Variants in NPAS3 observed in about 807,000 individuals in gnomAD.
NPAS3 encodes neuronal PAS domain protein 3.
Under a neutral mutation model 73.1 loss-of-function variants are expected in NPAS3, and 14 were observed. The observed-to-expected ratio is 0.19, with a 90% CI of 0.13 to 0.30. The LOEUF (loss-of-function observed/expected upper bound fraction) is 0.30. NPAS3 is among the 10% of genes least tolerant of loss of function. The pLI, the probability that NPAS3 is intolerant of heterozygous loss-of-function variation, is 1.00. For missense variants in NPAS3, 1,096 were observed against 1,250.0 expected, an observed-to-expected ratio of 0.88 and a Z score of 1.86; for synonymous variants, 620 against 541.5, an observed-to-expected ratio of 1.14 and a Z score of -2.01.
intron 4 of NPAS3, among the ~76,000 whole-genome samples, chr14:33,554,942 G>A (rs1359528123): frequency 2.0e-5 from 3 of 152,106 alleles, no homozygotes; most frequent in Non-Finnish European, 4.4e-5. Flanking sequence ...TCAGCTTTTG[G>A]GGTTAAGAAA....
chr14:33,673,881 A>G (rs1052733771), intron 5 of NPAS3, among the ~76,000 whole-genome samples: 2 of 152,264 alleles, frequency 1.3e-5, no homozygotes, highest in African/African-American at 4.8e-5. Flanking sequence ...TCAGGTTATG[A>G]GTCCAAGTAG....
At chr14:33,334,545 T>C (rs903623084) in intron 3 of NPAS3, among the ~76,000 whole-genome samples, 2 of 152,196 alleles carry the variant, frequency 1.3e-5, no homozygotes, top group African/African-American at 4.8e-5. Context: ...TCAAGTTATT[T>C]TATATGTCTG....
intron 6 of NPAS3, among the ~76,000 whole-genome samples, chr14:33,689,094 A>G (rs2060166202): frequency 1.3e-5 from 2 of 152,326 alleles, no homozygotes; most frequent in Non-Finnish European, 2.9e-5. Context: ...AGGTACAAAT[A>G]CGTAGTACGT....
intron 5 of NPAS3, among the ~76,000 whole-genome samples, chr14:33,645,875 G>A (rs538003332): frequency 2.6e-5 from 4 of 152,348 alleles, no homozygotes; most frequent in East Asian, 1.9e-4. Flanking sequence ...GAGTGCATGC[G>A]TCTCACATGT....
chr14:33,020,069 G>T (rs1210489859), intron 1 of NPAS3, among the ~76,000 whole-genome samples: 2 of 152,056 alleles, frequency 1.3e-5, no homozygotes, highest in African/African-American at 4.8e-5. Context: ...GAAATGTCTT[G>T]TCAGTATTAT....
chr14:33,392,600 T>C (rs1604190), intron 4 of NPAS3, among the ~76,000 whole-genome samples: 92,626 of 152,016 alleles, frequency 0.61, 28,889 homozygotes, highest in African/African-American at 0.74. Context: ...TTTTTTGAAA[T>C]TAGTGCATCA....
chr14:33,073,734 G>A (rs1015160304), intron 2 of NPAS3, among the ~76,000 whole-genome samples: 5 of 152,156 alleles, frequency 3.3e-5, no homozygotes, highest in African/African-American at 9.7e-5. Context: ...ATTTGATTTC[G>A]ACATTTTATT....
chr14:33,152,652 G>A (rs1419492512), intron 2 of NPAS3, among the ~76,000 whole-genome samples: 1 of 152,042 alleles, frequency 6.6e-6, no homozygotes, highest in Admixed American at 6.6e-5. Context: ...ATTTTACCTC[G>A]GAATTTGAGG....
chr14:33,667,795 G>GTTCC (rs1208641966), intron 5 of NPAS3, among the ~76,000 whole-genome samples: 3 of 152,114 alleles, frequency 2.0e-5, no homozygotes, highest in Non-Finnish European at 4.4e-5. Context: ...GAAGAATTTT[G>GTTCC]TTCCTTCTTG....
At chr14:33,033,324 C>T (rs953648752) in intron 1 of NPAS3, among the ~76,000 whole-genome samples, 1 of 151,754 alleles carries the variant, frequency 6.6e-6, no homozygotes, top group Non-Finnish European at 1.5e-5. Context: ...ACTAAAAATA[C>T]AAAAATTAGC....
intron 4 of NPAS3, among the ~76,000 whole-genome samples, chr14:33,480,106 C>G (rs1045210500): frequency 6.6e-6 from 1 of 152,050 alleles, no homozygotes; most frequent in Non-Finnish European, 1.5e-5. Context: ...AGTATATGTA[C>G]TAGAAGGGAG....
intron 6 of NPAS3, among the ~76,000 whole-genome samples, chr14:33,723,949 A>G (rs948426843): frequency 6.6e-6 from 1 of 152,060 alleles, no homozygotes; most frequent in Non-Finnish European, 1.5e-5. Context: ...ACTTAAAAAT[A>G]TATATATCCA....
At chr14:33,698,048 G>A (rs1854329216) in intron 6 of NPAS3, among the ~76,000 whole-genome samples, 3 of 152,160 alleles carry the variant, frequency 2.0e-5, no homozygotes, top group Non-Finnish European at 4.4e-5. Context: ...TCATGCATCC[G>A]ATGGTCTGCA....
chr14:33,113,605 A>T (rs1156827111), intron 2 of NPAS3, among the ~76,000 whole-genome samples: 1 of 152,156 alleles, frequency 6.6e-6, no homozygotes, highest in African/African-American at 2.4e-5. Flanking sequence ...CAATCATGTC[A>T]TCTGCAAACA....
At chr14:33,376,013 C>G (rs1291293510) in intron 4 of NPAS3, among the ~76,000 whole-genome samples, 1 of 152,110 alleles carries the variant, frequency 6.6e-6, no homozygotes, top group Admixed American at 6.6e-5. Context: ...ATTGGTTTCA[C>G]TGGAGAATCT....
intron 4 of NPAS3, among the ~76,000 whole-genome samples, chr14:33,396,004 C>T (rs930239390): frequency 3.9e-5 from 6 of 152,098 alleles, no homozygotes; most frequent in Non-Finnish European, 7.4e-5. Context: ...GTGGCTTTGC[C>T]CCCATTCCCT....
intron 6 of NPAS3, among the ~76,000 whole-genome samples, chr14:33,682,037 G>A (rs985674332): frequency 4.6e-5 from 7 of 152,168 alleles, no homozygotes; most frequent in African/African-American, 1.4e-4. Context: ...AATCTGAATG[G>A]CAGTTTGTAT....
At chr14:33,734,949 G>A (rs75476613) in intron 6 of NPAS3, among the ~76,000 whole-genome samples, 8,397 of 152,226 alleles carry the variant, frequency 0.055, 431 homozygotes, top group African/African-American at 0.13. Flanking sequence ...CTTATGACGA[G>A]ACCCCACTTA....
chr14:33,177,610 G>C lies in NPAS3; in HGVS notation c.141-37572G>C, dbSNP rs562480117. On this transcript the variant is annotated intron_variant, in intron 2 of 11. Coordinates refer to ENST00000356141, the Ensembl canonical transcript of NPAS3. ...CCACTGCCAAATCCAAGGTCCTAAA[G>C]ATTTCCCCTGTTTTTCTTTTAAGAA... 2.6e-5 allele frequency among the ~76,000 whole-genome samples: 4 copies of C among 152,252 alleles called. No homozygotes were observed. In the South Asian group the frequency reaches 6.2e-4, roughly 24 times the overall value.
Sources: gnomAD v4.1 joint callset for allele counts (sites outside exome capture counted in the v4.1 genomes callset) on GRCh38, gnomAD v4.1.1 for gene constraint, MANE v1.5 for transcripts, NCBI Gene and HGNC (gene_info 2026-07-23, HGNC 2026-07-21) for gene names.